ABLIM1: variants seen among roughly 807,000 people sequenced by gnomAD.
ABLIM1 encodes the protein actin-binding LIM protein 1.
ABLIM1 carries 40 observed loss-of-function variants against 107.0 expected under a neutral mutation model. The ratio of observed to expected loss-of-function variants is 0.37; its 90% CI spans 0.29 to 0.49. ABLIM1 has a LOEUF of 0.49. ABLIM1 is among the 20% of genes least tolerant of loss of function. ABLIM1 has a pLI of 0.97. For synonymous variants in ABLIM1, 357 were observed against 357.3 expected (o/e 1.00, Z 0.01); for missense variants, 857 against 1,008.5 (o/e 0.85, Z 2.04).
At position 114,558,907 on chromosome 10, in the gene ABLIM1, G is replaced by A. The variant is rs550996106; in HGVS notation, c.674-11131C>T. On this transcript the variant is annotated intron_variant, in intron 4 of 22. Coordinates refer to ENST00000533213, the MANE Select transcript of ABLIM1 (RefSeq NM_002313.7). ...AGGTCCTGTCAGGGAGAACTAGTGT[G>A]TGTGTCTGTGTGTGTGTGTGTGTGT... Among the ~76,000 whole-genome samples the A allele has an allele frequency of 5.9e-5, 9 of 151,708 alleles. No individual in the cohort carries two copies. In the East Asian group the frequency reaches 1.7e-3, roughly 29 times the overall value.
rs1566171847 is a variant in ABLIM1, at chr10:114,647,214, GTCTTGAACTGCTGACCT to G, written c.244+10726_244+10742del. On this transcript the variant is annotated intron_variant, in intron 1 of 22. Transcript: ENST00000533213. ...GGTTTCACCATGTTGGGCCAGACTG[GTCTTGAACTGCTGACCT>G]CAGGTGATCCGCCTGCCTCGGCCTC... is the stretch of plus-strand genomic sequence containing the variant. 1.6e-3 allele frequency among the ~76,000 whole-genome samples: 234 copies of G among 146,114 alleles called. 1 individual carries two copies. The highest frequency in any genetic ancestry group is 6.4e-3 in the African/African-American group (232 of 36,342).
intron 1 of ABLIM1, among the ~76,000 whole-genome samples, chr10:114,761,815 G>A (rs1454440792): frequency 6.6e-6 from 1 of 151,944 alleles, no homozygotes; most frequent in Non-Finnish European, 1.5e-5. Flanking sequence ...CTTTTCCTTG[G>A]AAAGGCCTTC....
chr10:114,481,452 A>G (rs116020419), intron 8 of ABLIM1, among the ~76,000 whole-genome samples: 4,423 of 151,776 alleles, frequency 0.029, 189 homozygotes, highest in African/African-American at 0.098. Context: ...GACACCTTAT[A>G]CTAAGTCCTG....
At chr10:114,659,913 A>G (rs1322594337), upstream of ABLIM1, among the ~76,000 whole-genome samples, 1 of 152,236 alleles carries the variant, frequency 6.6e-6, no homozygotes, top group African/African-American at 2.4e-5. Context: ...AGGCAGATGA[A>G]GCAGAGAAAG....
intron 6 of ABLIM1, among the ~76,000 whole-genome samples, chr10:114,540,928 G>T (rs1285461052): frequency 6.6e-6 from 1 of 152,154 alleles, no homozygotes; most frequent in African/African-American, 2.4e-5. Flanking sequence ...GCTTATTTGG[G>T]AGAAGAGTCT....
At chr10:114,698,130 A>G (rs1280647747) in intron 1 of ABLIM1, among the ~76,000 whole-genome samples, 1 of 152,166 alleles carries the variant, frequency 6.6e-6, no homozygotes, top group Non-Finnish European at 1.5e-5. Context: ...AGATGAATAC[A>G]CAAACACATG....
intron 1 of ABLIM1, among the ~76,000 whole-genome samples, chr10:114,725,450 C>T (rs2081937059): frequency 6.6e-6 from 1 of 152,020 alleles, no homozygotes; most frequent in Non-Finnish European, 1.5e-5. Flanking sequence ...CTGTATGTGC[C>T]AATGTGACAA....
intron 8 of ABLIM1, among the ~76,000 whole-genome samples, chr10:114,486,961 T>A (rs772601187): frequency 1.3e-5 from 2 of 152,148 alleles, no homozygotes; most frequent in Non-Finnish European, 2.9e-5. Flanking sequence ...GAGCTGTAAT[T>A]CCCAGGGCGG....
At position 114,658,035 on chromosome 10, in the gene ABLIM1, T is replaced by C. The variant is rs768486067; in HGVS notation, c.166A>G (p.Thr56Ala). The C allele has an allele frequency of 1.2e-6, 2 of 1,614,182 alleles. No individual in the cohort carries two copies. Among genetic ancestry groups the C allele is most frequent in the Non-Finnish European group, 8.5e-7 (1 of 1,180,014 alleles). The change falls in exon 1 of 23, where the codon ACT becomes GCT. Residue 56 changes from threonine to alanine, a missense_variant. By Grantham distance (58) the Thr-to-Ala change is moderately conservative. Coordinates refer to ENST00000533213, the MANE Select transcript of ABLIM1 (RefSeq NM_002313.7). Reference sequence around the variant, plus strand: ...CAGAGATACAGCAAATGAGTGATAGTGGCACGCCTATGAGCGGTGAAGGAG... The same window carrying C: ...CAGAGATACAGCAAATGAGTGATAGCGGCACGCCTATGAGCGGTGAAGGAG... ...GTSFTAHRRATITHLLYLCPK... is the reference protein window; with the variant it reads ...GTSFTAHRRAAITHLLYLCPK...
chr10:114,615,676 A>T, intron 1 of ABLIM1: 1 of 413,910 alleles, frequency 2.4e-6, no homozygotes, highest in South Asian at 1.7e-5. Flanking sequence ...CCAGAGCAAC[A>T]GTCTTTGGGT....
chr10:114,769,543 A>C (rs1331875643), upstream of ABLIM1, among the ~76,000 whole-genome samples: 2 of 142,616 alleles, frequency 1.4e-5, no homozygotes, highest in African/African-American at 5.1e-5. Context: ...AAAGGAAGGA[A>C]GGAAGAAAGA....
chr10:114,608,621 A>G (rs1222878009), intron 1 of ABLIM1, among the ~76,000 whole-genome samples: 1 of 152,036 alleles, frequency 6.6e-6, no homozygotes, highest in Non-Finnish European at 1.5e-5. Context: ...GTGAGCCGAG[A>G]TCGTGCCATT....
At chr10:114,513,444 A>T (rs1028215271) in intron 6 of ABLIM1, among the ~76,000 whole-genome samples, 21 of 151,730 alleles carry the variant, frequency 1.4e-4, no homozygotes, top group East Asian at 7.7e-4. Flanking sequence ...AAAAGAAAAT[A>T]AAAAAAAAGA....
chr10:114,512,919 A>AAG (rs2062148083), intron 6 of ABLIM1, among the ~76,000 whole-genome samples: 2 of 147,192 alleles, frequency 1.4e-5, no homozygotes, highest in Non-Finnish European at 3.1e-5. Context: ...AAAGAAAGAG[A>AAG]GAAAGAAAGA....
intron 1 of ABLIM1, among the ~76,000 whole-genome samples, chr10:114,603,719 C>T (rs1394272346): frequency 2.0e-5 from 3 of 151,612 alleles, no homozygotes; most frequent in Non-Finnish European, 2.9e-5. Context: ...TTTGGGAAGC[C>T]GAGGTGGGCG....
chr10:114,793,816 CCTCT>C, the ABLIM1 span, among the ~76,000 whole-genome samples: 10 of 152,318 alleles, frequency 6.6e-5, no homozygotes, highest in South Asian at 2.1e-3. Flanking sequence ...TTTTGCCCTC[CCTCT>C]GTCTATTACC....
chr10:114,753,841 TTTTG>T (rs985350607), intron 1 of ABLIM1, among the ~76,000 whole-genome samples: 93 of 152,226 alleles, frequency 6.1e-4, no homozygotes, highest in African/African-American at 2.0e-3. Context: ...CAGTTTGTTT[TTTTG>T]TTTGTTTGTT....
intron 12 of ABLIM1, among the ~76,000 whole-genome samples, chr10:114,459,937 A>T (rs977134675): frequency 3.3e-5 from 5 of 152,256 alleles, no homozygotes; most frequent in African/African-American, 4.8e-5. Context: ...ATTTAGGAAC[A>T]TAGGGGTGTT....
At chr10:114,567,270 G>A (rs572647803) in intron 4 of ABLIM1, among the ~76,000 whole-genome samples, 117 of 152,274 alleles carry the variant, frequency 7.7e-4, no homozygotes, top group African/African-American at 2.6e-3. Context: ...ACATGGCATC[G>A]GGAGCCAGAT....
Sources: gnomAD v4.1 joint callset for allele counts (sites outside exome capture counted in the v4.1 genomes callset) on GRCh38, gnomAD v4.1.1 for gene constraint, MANE v1.5 for transcripts, NCBI Gene and HGNC (gene_info 2026-07-23, HGNC 2026-07-21) for gene names.